UNC5C: variants seen among roughly 807,000 people sequenced by gnomAD.
UNC5C encodes the protein unc-5 netrin receptor C.
In UNC5C, 47 loss-of-function variants were observed where a neutral mutation model predicts 99.8. That is an observed-to-expected ratio of 0.47 (90% CI 0.37 to 0.60). The LOEUF (loss-of-function observed/expected upper bound fraction) is 0.60, where lower values mean the gene tolerates loss of function less well. UNC5C is among the 20% of genes least tolerant of loss of function. The probability of loss-of-function intolerance (pLI) is 0.00; values close to 1 mark genes in which losing one functional copy is unlikely to be tolerated. For synonymous variants in UNC5C, 487 were observed against 452.2 expected (o/e 1.08, Z -0.98); for missense variants, 1,062 against 1,165.9 (o/e 0.91, Z 1.30).
intron 14 of UNC5C, among the ~76,000 whole-genome samples, chr4:95,179,632 A>C (rs1411231808): frequency 6.6e-6 from 1 of 151,686 alleles, no homozygotes; most frequent in Non-Finnish European, 1.5e-5. Context: ...CTGTGATCCC[A>C]GCTACTCAGG....
chr4:95,324,438 T>A (rs1479894915), intron 2 of UNC5C, among the ~76,000 whole-genome samples: 1 of 152,106 alleles, frequency 6.6e-6, no homozygotes, highest in Non-Finnish European at 1.5e-5. Flanking sequence ...TATATTACAA[T>A]GTAATAATAA....
chr4:95,461,416 T>G (rs1318404483), intron 1 of UNC5C, among the ~76,000 whole-genome samples: 1 of 105,280 alleles, frequency 9.5e-6, no homozygotes, highest in African/African-American at 4.4e-5. Flanking sequence ...TAATCAAATA[T>G]AATTAGAAAA....
chr4:95,217,746 T>A (rs1738301728), intron 9 of UNC5C, among the ~76,000 whole-genome samples: 1 of 152,112 alleles, frequency 6.6e-6, no homozygotes, highest in Admixed American at 6.5e-5. Flanking sequence ...AAAGAACTAT[T>A]TTGAGAACAA....
chr4:95,331,326 T>C (rs530835833), intron 2 of UNC5C, among the ~76,000 whole-genome samples: 73 of 152,258 alleles, frequency 4.8e-4, no homozygotes, highest in South Asian at 1.2e-3. Context: ...TTCCTTTGGG[T>C]AGATGCCAAG....
Position 95,535,701 on chromosome 4 carries a change from C to T in UNC5C, c.124+13033G>A, listed in dbSNP as rs76302680. On this transcript the variant is annotated intron_variant, in intron 1 of 15. Transcript: ENST00000453304. ...GATAAAGGCTGCCATTAGTATTTGG[C>T]CAGTACAGGTGTCAGATGAATATAT... 1.7e-3 allele frequency among the ~76,000 whole-genome samples: 262 copies of T among 152,150 alleles called. 5 individuals are homozygous for T. The East Asian group carries it at 0.044, about 25-fold the overall frequency.
intron 12 of UNC5C, among the ~76,000 whole-genome samples, chr4:95,196,514 A>G (rs554723627): frequency 8.6e-4 from 131 of 151,874 alleles, no homozygotes; most frequent in Non-Finnish European, 1.5e-3. Flanking sequence ...GTCACTGCCA[A>G]CATGCTAATT....
intron 1 of UNC5C, among the ~76,000 whole-genome samples, chr4:95,513,682 A>G (rs900474685): frequency 6.6e-6 from 1 of 152,170 alleles, no homozygotes; most frequent in Non-Finnish European, 1.5e-5. Context: ...TAAGAGAGAA[A>G]CAGGTGAAGG....
intron 1 of UNC5C, among the ~76,000 whole-genome samples, chr4:95,539,560 G>A (rs537209158): frequency 4.6e-5 from 7 of 152,128 alleles, no homozygotes; most frequent in African/African-American, 1.4e-4. Context: ...TTTTTCCATT[G>A]GTTTGATAGA....
chr4:95,247,674 ACCC>A (rs1488287785), intron 5 of UNC5C, among the ~76,000 whole-genome samples: 1 of 152,192 alleles, frequency 6.6e-6, no homozygotes, highest in African/African-American at 2.4e-5. Flanking sequence ...AATATTCCTG[ACCC>A]CAGTCCAAAG....
At chr4:95,259,050 C>T (rs902096844) in intron 4 of UNC5C, among the ~76,000 whole-genome samples, 1 of 151,624 alleles carries the variant, frequency 6.6e-6, no homozygotes, top group Non-Finnish European at 1.5e-5. Context: ...CGTGAGCCAC[C>T]GCGCCCGGCC....
chr4:95,365,940 AG>A (rs1744550036), intron 1 of UNC5C, among the ~76,000 whole-genome samples: 2 of 118,664 alleles, frequency 1.7e-5, no homozygotes, highest in South Asian at 4.8e-4. Context: ...TTTTCTGAGA[AG>A]TTTTTTTTTT....
chr4:95,321,697 AT>A, intron 2 of UNC5C, among the ~76,000 whole-genome samples: 1 of 152,284 alleles, frequency 6.6e-6, no homozygotes, highest in Non-Finnish European at 1.5e-5. Flanking sequence ...GAAAATTTTA[AT>A]AGCATCTATT....
chr4:95,198,921 A>G lies in UNC5C; in HGVS notation c.2136+3810T>C, dbSNP rs145127957. ...AAAGTGTTTAGGATAATAGCTCTTA[A>G]CTTTGGTGGCACAATAGAATAACCC... On this transcript the variant is annotated intron_variant, in intron 12 of 15. Coordinates refer to ENST00000453304, the MANE Select transcript of UNC5C (RefSeq NM_003728.4). 5.9e-5 allele frequency among the ~76,000 whole-genome samples: 9 copies of G among 152,310 alleles called. No homozygotes were observed. The East Asian group carries it at 1.7e-3, about 29-fold the overall frequency.
chr4:95,470,962 A>ATAT (rs1216252400), intron 1 of UNC5C, among the ~76,000 whole-genome samples: 1 of 152,084 alleles, frequency 6.6e-6, no homozygotes, highest in East Asian at 1.9e-4. Flanking sequence ...GAGTGTCAGG[A>ATAT]TATACTTTTG....
At chr4:95,322,120 G>A (rs899945652) in intron 2 of UNC5C, among the ~76,000 whole-genome samples, 4 of 152,164 alleles carry the variant, frequency 2.6e-5, no homozygotes, top group African/African-American at 7.2e-5. Context: ...TTCAAGTAGA[G>A]TTTTCAAATT....
chr4:95,385,589 G>A (rs17437798), intron 1 of UNC5C, among the ~76,000 whole-genome samples: 85,618 of 151,896 alleles, frequency 0.56, 24,370 homozygotes, highest in East Asian at 0.7. Context: ...GCTTATACAC[G>A]GCCATGAGAG....
At chr4:95,189,344 T>C (rs1341603140) in intron 12 of UNC5C, among the ~76,000 whole-genome samples, 1 of 152,230 alleles carries the variant, frequency 6.6e-6, no homozygotes, top group African/African-American at 2.4e-5. Context: ...TGGAGTGCAG[T>C]GGCGTGATCA....
At chr4:95,457,858 A>G (rs764069476) in intron 1 of UNC5C, among the ~76,000 whole-genome samples, 8 of 152,126 alleles carry the variant, frequency 5.3e-5, no homozygotes, top group Non-Finnish European at 8.8e-5. Flanking sequence ...GCATGTGGAC[A>G]AGGATCTGAA....
chr4:95,312,769 T>A (rs985980072), intron 2 of UNC5C, among the ~76,000 whole-genome samples: 1 of 152,172 alleles, frequency 6.6e-6, no homozygotes, highest in African/African-American at 2.4e-5. Context: ...AAACTCAGAA[T>A]GCCCATCCAT....
Sources: gnomAD v4.1 joint callset for allele counts (sites outside exome capture counted in the v4.1 genomes callset) on GRCh38, gnomAD v4.1.1 for gene constraint, MANE v1.5 for transcripts, NCBI Gene and HGNC (gene_info 2026-07-23, HGNC 2026-07-21) for gene names.